Variants in EIF3A observed in about 807,000 individuals in gnomAD.
The protein encoded by EIF3A is eukaryotic translation initiation factor 3 subunit A.
A neutral mutation model predicts 186.6 loss-of-function variants in EIF3A; 21 were observed. The observed-to-expected ratio is 0.11, with a 90% CI of 0.08 to 0.16. The LOEUF (loss-of-function observed/expected upper bound fraction) is 0.16. Ranked by LOEUF, EIF3A falls within the 10% of genes least tolerant of loss-of-function variation. EIF3A has a pLI of 1.00. For synonymous variants in EIF3A, 563 were observed against 584.3 expected (o/e 0.96, Z 0.52); for missense variants, 1,306 against 1,796.3 (o/e 0.73, Z 4.93).
At chr10:119,068,577 G>C (rs1325814227) in intron 6 of EIF3A, among the ~76,000 whole-genome samples, 1 of 152,160 alleles carries the variant, frequency 6.6e-6, no homozygotes, top group Non-Finnish European at 1.5e-5. Flanking sequence ...TCAGGAAGCT[G>C]AGGCAGGAGA....
chr10:119,054,846 C>G (rs2119819058), intron 14 of EIF3A, among the ~76,000 whole-genome samples: 1 of 152,302 alleles, frequency 6.6e-6, no homozygotes, highest in Non-Finnish European at 1.5e-5. Flanking sequence ...TAAAGTGAGA[C>G]AGGTGACTCT....
intron 1 of EIF3A, among the ~76,000 whole-genome samples, chr10:119,079,413 A>G (rs56051946): frequency 0.033 from 4,984 of 152,328 alleles, 125 homozygotes; most frequent in African/African-American, 0.064. Flanking sequence ...CATTTTCATA[A>G]GATGAATTTT....
intron 6 of EIF3A, among the ~76,000 whole-genome samples, chr10:119,068,427 C>A (rs1844014208): frequency 6.6e-6 from 1 of 152,166 alleles, no homozygotes. Context: ...GTAATCCCAG[C>A]ACTTTGGGAG....
intron 3 of EIF3A, 58 bp downstream of exon 3, chr10:119,073,383 G>A (rs1224751028): frequency 5.3e-6 from 7 of 1,317,358 alleles, no homozygotes; most frequent in Admixed American, 2.3e-5. Context: ...GAAGACCCAT[G>A]TAAAAGAAAA....
At chr10:119,037,660 G>C (rs547782024) in intron 20 of EIF3A, among the ~76,000 whole-genome samples, 2 of 152,084 alleles carry the variant, frequency 1.3e-5, no homozygotes, top group African/African-American at 4.8e-5. Flanking sequence ...AAATTGCATC[G>C]AACACTGCTG....
At chr10:119,046,652 A>T (rs1245906530) in intron 17 of EIF3A, among the ~76,000 whole-genome samples, 2 of 152,190 alleles carry the variant, frequency 1.3e-5, no homozygotes, top group Non-Finnish European at 2.9e-5. Flanking sequence ...AAGTTTTTTT[A>T]AAAACTTAGG....
chr10:119,058,099 G>A lies in EIF3A; in HGVS notation c.1834C>T (p.Leu612=). ...TCTCTCTCCTTTGCTTCCTGGCGCA[G>A]CCTCTCTTCCTCAGCCTTCCGCACT... The part of the protein sequence containing the change: ...QKVRKAEEER[L]RQEAKEREKE... The change falls in exon 12 of 22, where the codon CTG becomes TTG. Residue 612 remains leucine, a synonymous_variant. Transcript: ENST00000369144. 1 of 1,614,140 alleles carries A rather than the reference G, an allele frequency of 6.2e-7. No individual in the cohort carries two copies. The highest frequency in any genetic ancestry group is 8.5e-7 in the Non-Finnish European group (1 of 1,180,032).
At chr10:119,047,717 C>A (rs550092738) in intron 17 of EIF3A, among the ~76,000 whole-genome samples, 2 of 152,260 alleles carry the variant, frequency 1.3e-5, no homozygotes, top group South Asian at 2.1e-4. Context: ...AAAATGTATT[C>A]TTAAATTCCA....
intron 17 of EIF3A, among the ~76,000 whole-genome samples, chr10:119,044,573 G>A (rs547472793): frequency 6.6e-6 from 1 of 152,362 alleles, no homozygotes; most frequent in South Asian, 2.1e-4. Context: ...GATGGGCCGG[G>A]CGCGGTGGCT....
chr10:119,069,123 G>A (rs150018328), intron 6 of EIF3A, among the ~76,000 whole-genome samples: 4 of 152,258 alleles, frequency 2.6e-5, no homozygotes, highest in African/African-American at 4.8e-5. Flanking sequence ...GGCTTTTAGC[G>A]GAGTTACTTA....
At chr10:119,079,578 G>A (rs1589699329) in intron 1 of EIF3A, among the ~76,000 whole-genome samples, 1 of 150,796 alleles carries the variant, frequency 6.6e-6, no homozygotes, top group East Asian at 2.0e-4. Context: ...AAATTGTCCG[G>A]TTAGAGGGGA....
rs1359438745 is a variant in EIF3A, at chr10:119,037,251, T to G, written c.3787A>C (p.Ser1263Arg). The G allele has an allele frequency of 6.2e-7, 1 of 1,614,186 alleles. No homozygotes were observed. The highest frequency in any genetic ancestry group is 1.3e-5 in the African/African-American group (1 of 75,062). Reference protein sequence around the residue: ...AEESSSWRDSSRRDDRDRDDR... With the variant: ...AEESSSWRDSRRRDDRDRDDR... Reference sequence around the variant, plus strand: ...TCCCTATCCCTATCGTCCCGGCGACTTGAGTCTCTCCAGCTTGAAGATTCC... The same window carrying G: ...TCCCTATCCCTATCGTCCCGGCGACGTGAGTCTCTCCAGCTTGAAGATTCC... Residue 1263 changes from serine (S) to arginine (R), a missense_variant, in exon 21 of 22, where the codon AGT (serine) becomes CGT (arginine). Transcript: ENST00000369144.
chr10:119,060,614 AAT>A (rs1226445722), intron 9 of EIF3A, 130 bp downstream of exon 9: 1 of 581,722 alleles, frequency 1.7e-6, no homozygotes, highest in Non-Finnish European at 3.0e-6. Context: ...CAAATTAATA[AAT>A]AGACTAATTT....
chr10:119,041,485 T>C (rs1219409115), intron 19 of EIF3A, among the ~76,000 whole-genome samples: 1 of 151,956 alleles, frequency 6.6e-6, no homozygotes, highest in Non-Finnish European at 1.5e-5. Flanking sequence ...AGTGGGAGGC[T>C]CCCTAGGGTC....
At position 119,060,890 on chromosome 10, in the gene EIF3A, G is replaced by C. The variant is rs370488629; in HGVS notation, c.1228-46C>G. ...AAAGAGAATCACACTTTCTACATAA[G>C]AGATACTAAAACATCTAAAACTCTT... On this transcript the variant is annotated intron_variant, in intron 8 of 21. Coordinates refer to ENST00000369144, the MANE Select transcript of EIF3A (RefSeq NM_003750.4). 22 of 1,303,066 alleles carry C rather than the reference G, an allele frequency of 1.7e-5. No individual in the cohort carries two copies. The Admixed American group carries it at 4.7e-4, about 28-fold the overall frequency. 80.7% of individuals were successfully genotyped at this position (1,303,066 alleles called of 1,614,324 possible).
intron 17 of EIF3A, among the ~76,000 whole-genome samples, chr10:119,045,970 GA>G (rs1848278713): frequency 6.6e-6 from 1 of 152,132 alleles, no homozygotes; most frequent in South Asian, 2.1e-4. Context: ...GAGAGTAAAA[GA>G]AACATTAAAG....
chr10:119,059,786 A>T, intron 9 of EIF3A, 68 bp from the exon 10 acceptor site: 4 of 987,978 alleles, frequency 4.0e-6, no homozygotes, highest in Non-Finnish European at 6.5e-6. Flanking sequence ...GTGCAATCTC[A>T]TGACAGTCAT....
intron 7 of EIF3A, 59 bp from the exon 8 acceptor site, chr10:119,061,387 G>T: frequency 1.3e-6 from 1 of 772,026 alleles, no homozygotes; most frequent in Non-Finnish European, 2.2e-6. Flanking sequence ...CTAAAATTCT[G>T]AACTTAGTAT....
intron 7 of EIF3A, among the ~76,000 whole-genome samples, chr10:119,062,673 C>G (rs1589692429): frequency 6.6e-6 from 1 of 151,636 alleles, no homozygotes; most frequent in South Asian, 2.1e-4. Flanking sequence ...CTACTTCCAG[C>G]CAATTGTAAA....
Sources: gnomAD v4.1 joint callset for allele counts (sites outside exome capture counted in the v4.1 genomes callset) on GRCh38, gnomAD v4.1.1 for gene constraint, MANE v1.5 for transcripts, NCBI Gene and HGNC (gene_info 2026-07-23, HGNC 2026-07-21) for gene names.